The following MCC variants were observed in gnomAD, a reference collection of about 807,000 sequenced individuals.
The protein encoded by MCC is colorectal mutant cancer protein.
MCC carries 90 observed loss-of-function variants against 116.2 expected under a neutral mutation model. The ratio of observed to expected loss-of-function variants is 0.77; its 90% confidence interval spans 0.65 to 0.92. The LOEUF (loss-of-function observed/expected upper bound fraction) is 0.92. Among genes scored for constraint, MCC ranks in the 40% least tolerant of loss-of-function variants. The pLI is 0.00. For missense variants in MCC, 1,516 were observed against 1,312.2 expected (o/e 1.16, Z -2.40); for synonymous variants, 578 against 510.5 (o/e 1.13, Z -1.78).
At chr5:113,239,856 GCC>G in intron 3 of MCC, among the ~76,000 whole-genome samples, 1 of 152,256 alleles carries the variant, frequency 6.6e-6, no homozygotes, top group African/African-American at 2.4e-5. Flanking sequence ...CTGGTTCTGG[GCC>G]AGGTCCTGTC....
intron 2 of MCC, among the ~76,000 whole-genome samples, chr5:113,344,379 C>G (rs1768085209): frequency 6.6e-6 from 1 of 152,092 alleles, no homozygotes; most frequent in Admixed American, 6.5e-5. Flanking sequence ...TGCAATTCTT[C>G]CTAGGCAGAT....
intron 2 of MCC, among the ~76,000 whole-genome samples, chr5:113,349,274 G>C (rs1768209788): frequency 6.6e-6 from 1 of 152,012 alleles, no homozygotes; most frequent in Non-Finnish European, 1.5e-5. Context: ...TATCCCTGAT[G>C]AACACTGATG....
chr5:113,394,961 C>A (rs1769487891), intron 1 of MCC, among the ~76,000 whole-genome samples: 1 of 152,144 alleles, frequency 6.6e-6, no homozygotes, highest in Admixed American at 6.5e-5. Context: ...AGAGTTGAAT[C>A]ATTGTGACAG....
At chr5:113,480,375 AC>A (rs1170482337) in intron 1 of MCC, among the ~76,000 whole-genome samples, 1 of 152,274 alleles carries the variant, frequency 6.6e-6, no homozygotes, top group Non-Finnish European at 1.5e-5. Flanking sequence ...TATATAAAAT[AC>A]CATATTTCAA....
In MCC at chr5:113,384,978, G is replaced by C. The variant is rs757838492; in HGVS notation, c.405C>G (p.Asp135Glu). The stretch of plus-strand genomic sequence containing the variant: ...CCTGGTTATACCTACCCAAACTGTT[G>C]TCACTGCTCGTGGGCCAGGAAGCAA... Reference protein sequence around the residue: ...DRIASWPTSSDNSLGALSAAR... With the variant: ...DRIASWPTSSENSLGALSAAR... The change falls in exon 2 of 19, where the codon GAC (aspartate) becomes GAG (glutamate). Residue 135 changes from aspartate (D) to glutamate (E), a missense_variant. Transcript: ENST00000408903. The C allele has an allele frequency of 6.2e-7, 1 of 1,614,172 alleles. No homozygotes were observed. Among genetic ancestry groups the C allele is most frequent in the Non-Finnish European group, 8.5e-7 (1 of 1,180,032 alleles).
intron 3 of MCC, among the ~76,000 whole-genome samples, chr5:113,220,409 T>C (rs1763505755): frequency 6.6e-6 from 1 of 152,094 alleles, no homozygotes; most frequent in Non-Finnish European, 1.5e-5. Flanking sequence ...TTGAGATCTA[T>C]AGATCAATTG....
intron 2 of MCC, among the ~76,000 whole-genome samples, chr5:113,357,791 C>T (rs573822351): frequency 6.6e-6 from 1 of 152,254 alleles, no homozygotes; most frequent in South Asian, 2.1e-4. Flanking sequence ...TGCTAGCAGG[C>T]CACTGAGCAT....
chr5:113,143,636 T>C (rs1759321064), intron 4 of MCC, among the ~76,000 whole-genome samples: 1 of 152,212 alleles, frequency 6.6e-6, no homozygotes, highest in Non-Finnish European at 1.5e-5. Context: ...AGTGGGGCTA[T>C]TCAAGTCCCC....
Position 113,064,133 on chromosome 5 carries a change from C to T in MCC, c.2064G>A (p.Met688Ile). The stretch of plus-strand genomic sequence containing the variant: ...TCCGGCAGTCATGAGCTCGCTTGAG[C>T]ATCTGAGTGATGTTTTCATCCCCCG... ...DQSGDENITQ[M>I]LKRAHDCRKT... The change falls in exon 14 of 19, where the codon ATG becomes ATA. Residue 688 changes from methionine to isoleucine, a missense_variant. Met to Ile is a conservative substitution (Grantham distance 10, BLOSUM62 1). Transcript: ENST00000408903. 6.2e-7 allele frequency: 1 copy of T among 1,613,536 alleles called. No homozygotes were observed. The highest frequency in any genetic ancestry group is 8.5e-7 in the Non-Finnish European group (1 of 1,179,664).
chr5:113,440,541 G>T (rs1412016557), intron 1 of MCC, among the ~76,000 whole-genome samples: 4 of 151,500 alleles, frequency 2.6e-5, no homozygotes, highest in African/African-American at 9.7e-5. Context: ...GTACTCAATA[G>T]ATATTTATTT....
At position 113,255,055 on chromosome 5, in the gene MCC, C is replaced by A. The variant is rs535437419; in HGVS notation, c.627+85464G>T. Among the ~76,000 whole-genome samples the A allele has an allele frequency of 2.0e-5, 3 of 152,306 alleles. No homozygotes were observed. In the East Asian group the frequency reaches 5.8e-4, roughly 29 times the overall value. On this transcript the variant is annotated intron_variant, in intron 3 of 18. Transcript: ENST00000408903. The stretch of plus-strand genomic sequence containing the variant: ...TGGCAGATGCCTGTAATCCCAGCTA[C>A]TCAGGAGGCTGAGGCAGAAAAATCG...
At chr5:113,269,365 G>T (rs753751296) in intron 3 of MCC, 16 of 229,930 alleles carry the variant, frequency 7.0e-5, no homozygotes, top group Non-Finnish European at 1.1e-4. Flanking sequence ...CTAAATTCCT[G>T]TCTCTTGAAT....
At chr5:113,080,043 C>A (rs1754741910) in intron 11 of MCC, among the ~76,000 whole-genome samples, 2 of 152,180 alleles carry the variant, frequency 1.3e-5, no homozygotes, top group Admixed American at 6.5e-5. Flanking sequence ...CCAACAGACA[C>A]ATGAAAAAAT....
chr5:113,354,442 T>TTTC (rs1228262068), intron 2 of MCC, among the ~76,000 whole-genome samples: 5 of 150,336 alleles, frequency 3.3e-5, no homozygotes, highest in African/African-American at 1.2e-4. Context: ...CCTTTTTCTT[T>TTTC]TTTTTTTTCT....
At chr5:113,041,951 C>T (rs544678051) in intron 17 of MCC, among the ~76,000 whole-genome samples, 4 of 152,144 alleles carry the variant, frequency 2.6e-5, no homozygotes, top group East Asian at 3.9e-4. Flanking sequence ...GAGCCGAGAT[C>T]GCACCACTGC....
At chr5:113,303,468 T>C (rs1766908681) in intron 3 of MCC, among the ~76,000 whole-genome samples, 1 of 152,196 alleles carries the variant, frequency 6.6e-6, no homozygotes. Context: ...TATCATGTTT[T>C]AAGAAGGACA....
At chr5:113,340,494 A>G (rs10900684) in intron 3 of MCC, 25 bp downstream of exon 3, 762,581 of 1,600,418 alleles carry the variant, frequency 0.48, 189,172 homozygotes, top group African/African-American at 0.77. Context: ...CGAAATATGT[A>G]TTCCATGAAC....
At chr5:113,066,578 A>G (rs985773184) in intron 13 of MCC, among the ~76,000 whole-genome samples, 4 of 152,242 alleles carry the variant, frequency 2.6e-5, no homozygotes, top group African/African-American at 4.8e-5. Flanking sequence ...GAAGCAGGAA[A>G]TTAACACCCA....
chr5:113,216,474 G>T (rs1159509175), intron 3 of MCC, among the ~76,000 whole-genome samples: 1 of 152,146 alleles, frequency 6.6e-6, no homozygotes, highest in African/African-American at 2.4e-5. Flanking sequence ...TAATCTGTAA[G>T]CATTTTTGTC....
Sources: gnomAD v4.1 joint callset for allele counts (sites outside exome capture counted in the v4.1 genomes callset) on GRCh38, gnomAD v4.1.1 for gene constraint, MANE v1.5 for transcripts, NCBI Gene and HGNC (gene_info 2026-07-23, HGNC 2026-07-21) for gene names.